Variants in SETX observed in about 807,000 individuals in gnomAD.
The protein encoded by SETX is helicase senataxin.
SETX carries 90 observed loss-of-function variants against 227.2 expected under a neutral mutation model. The ratio of observed to expected loss-of-function variants is 0.40; its 90% confidence interval spans 0.33 to 0.47. The LOEUF is 0.47. Ranked by LOEUF, SETX falls within the 20% of genes least tolerant of loss-of-function variation. The pLI is 0.91. For synonymous variants in SETX, 1,210 were observed against 1,113.2 expected, an observed-to-expected ratio of 1.09 and a Z score of -1.73; for missense variants, 3,052 against 3,181.5, an observed-to-expected ratio of 0.96 and a Z score of 0.98.
At position 132,354,529 on chromosome 9, in the gene SETX, C is replaced by A. The variant is rs1490736663; in HGVS notation, c.-115+388G>T. Among the ~76,000 whole-genome samples the A allele has an allele frequency of 2.3e-4, 35 of 149,420 alleles. No homozygotes were observed. In the East Asian group the frequency reaches 6.9e-3, roughly 29 times the overall value. On this transcript the variant is annotated intron_variant, in intron 1 of 25. Coordinates refer to ENST00000224140, the MANE Select transcript of SETX (RefSeq NM_015046.7). ...AAAAAAAAGAAAAAAGAAAAAAAAA[C>A]AAAGGGAGGGACTCCAGGCGAGAGG...
chr9:132,326,342 T>A lies in SETX; in HGVS notation c.5256A>T (p.Val1752=). 1 of 1,610,188 alleles carries A rather than the reference T, an allele frequency of 6.2e-7. No homozygotes were observed. Among genetic ancestry groups the A allele is most frequent in the Non-Finnish European group, 8.5e-7 (1 of 1,177,184 alleles). Residue 1752 remains valine (V), a synonymous_variant, in exon 10 of 26, where the codon GTA becomes GTT. Coordinates refer to ENST00000224140, the MANE Select transcript of SETX (RefSeq NM_015046.7). Reference sequence around the variant, plus strand: ...TACTTACTGTTTCAAAAGTATTCAATACCATCAAAGGGAAAAAAACATTAA... The same window carrying A: ...TACTTACTGTTTCAAAAGTATTCAAAACCATCAAAGGGAAAAAAACATTAA... ...DYFNVFFPLM[V]LNTFETVAQE... is the part of the protein sequence containing the mutation.
rs1418151719 is a variant in SETX, at chr9:132,327,640, C to T, written c.3958G>A (p.Val1320Ile). ...AATTTAGTCTTTTTTCGGGTATCAA[C>T]TACTCCAACAGTTTTGCCATGATCA... Reference protein sequence around the residue: ...LRDHGKTVGVVDTRKKTKLIS... With the variant: ...LRDHGKTVGVIDTRKKTKLIS... Residue 1320 changes from valine to isoleucine, a missense_variant, in exon 10 of 26, where the codon GTT becomes ATT. Physicochemically the swap from Val to Ile is conservative, Grantham distance 29. Around this residue, in one of 10 missense-constraint regions of SETX, gnomAD observed 1,483 missense variants for 1,312.0 expected, o/e 1.13. Transcript: ENST00000224140. 1.2e-6 allele frequency: 2 copies of T among 1,613,850 alleles called. No individual in the cohort carries two copies. The highest frequency in any genetic ancestry group is 1.7e-6 in the Non-Finnish European group (2 of 1,179,994).
intron 11 of SETX, among the ~76,000 whole-genome samples, chr9:132,304,326 ATACTG>A (rs1388291633): frequency 1.3e-5 from 2 of 152,190 alleles, no homozygotes; most frequent in African/African-American, 2.4e-5. Flanking sequence ...TTATAACTGC[ATACTG>A]TAGGTAGAAC....
At chr9:132,307,065 G>A (rs1398826065) in intron 11 of SETX, among the ~76,000 whole-genome samples, 1 of 152,194 alleles carries the variant, frequency 6.6e-6, no homozygotes, top group East Asian at 1.9e-4. Context: ...GACCAGCCTG[G>A]CCAACATGGC....
chr9:132,281,596 G>A lies in SETX; in HGVS notation c.6547-22C>T, dbSNP rs760781204. The stretch of plus-strand genomic sequence containing the variant: ...CAGCCTTGGTAAGATACAGAAGAGA[G>A]AGGCAGTCTTAACAATCTTTGCTAT... On this transcript the variant is annotated intron_variant, in intron 19 of 25. Coordinates refer to ENST00000224140, the MANE Select transcript of SETX (RefSeq NM_015046.7). The A allele has an allele frequency of 4.0e-6, 6 of 1,512,658 alleles. No homozygotes were observed. In the Admixed American group the frequency reaches 8.4e-5, roughly 21 times the overall value. 93.7% of individuals were successfully genotyped at this position (1,512,658 alleles called of 1,614,324 possible). A position where few individuals can be genotyped will look rare whatever the true frequency, so the allele number is the denominator to read the frequency against.
In SETX at chr9:132,261,723, A is replaced by G. The variant is rs947839000; in HGVS notation, c.*2516T>C. 6.5e-6 allele frequency: 1 copy of G among 154,264 alleles called. No individual in the cohort carries two copies. The highest frequency in any genetic ancestry group is 1.5e-5 in the Non-Finnish European group (1 of 68,222). 9.6% of individuals were successfully genotyped at this position (154,264 alleles called of 1,614,324 possible). On this transcript the variant is annotated 3_prime_UTR_variant, in exon 26 of 26. Coordinates refer to ENST00000224140, the MANE Select transcript of SETX (RefSeq NM_015046.7). ...CATGTACTTGTCAAATTTACTCCTG[A>G]TAATTCACAAAAACATACAACTCAA...
At chr9:132,311,882 A>T (rs751887818) in intron 10 of SETX, 26 bp from the exon 11 acceptor site, 2 of 1,511,158 alleles carry the variant, frequency 1.3e-6, no homozygotes, top group African/African-American at 1.4e-5. Flanking sequence ...AAGCAAATTA[A>T]GAAAGCAACA....
At chr9:132,265,022 A>C (rs758691664) in intron 25 of SETX, 37 bp from the exon 26 acceptor site, 7 of 1,607,570 alleles carry the variant, frequency 4.4e-6, no homozygotes, top group Non-Finnish European at 5.9e-6. Flanking sequence ...ATTACACCCC[A>C]AAGAGACACT....
At chr9:132,269,532 T>C in intron 25 of SETX, 83 bp downstream of exon 25, 1 of 1,608,094 alleles carries the variant, frequency 6.2e-7, no homozygotes, top group South Asian at 1.1e-5. Flanking sequence ...CAGAAATCAT[T>C]TACACTTTGA....
intron 17 of SETX, among the ~76,000 whole-genome samples, chr9:132,287,119 T>C (rs1397103042): frequency 6.6e-6 from 1 of 152,208 alleles, no homozygotes; most frequent in East Asian, 1.9e-4. Context: ...TAATTTGAAC[T>C]GGGCTCAACA....
At position 132,328,107 on chromosome 9, in the gene SETX, C is replaced by A. The variant is rs369264209; in HGVS notation, c.3491G>T (p.Arg1164Leu). The stretch of plus-strand genomic sequence containing the variant: ...ATCTTCAGCCATTGGTTTTTCAGAT[C>A]GTTTTCTCTTAGGCTTTTTTACTTC... ...EIEVKKPKRK[R>L]SEKPMAEDPV... Residue 1164 changes from arginine to leucine, a missense_variant, in exon 10 of 26, where the codon CGA becomes CTA. Arg to Leu is a moderately radical substitution (Grantham distance 102, BLOSUM62 -2). This residue lies in a region of SETX where 1,483 missense variants were observed against 1,312.0 expected (regional missense o/e 1.13). Transcript: ENST00000224140. The A allele has an allele frequency of 1.2e-6, 2 of 1,613,912 alleles. No individual in the cohort carries two copies. The highest frequency in any genetic ancestry group is 1.7e-5 in the Admixed American group (1 of 59,958).
chr9:132,305,949 T>G (rs549176545), intron 11 of SETX, among the ~76,000 whole-genome samples: 1 of 152,208 alleles, frequency 6.6e-6, no homozygotes, highest in Admixed American at 6.5e-5. Context: ...ATGTTAACAT[T>G]TGAGGAAACT....
chr9:132,335,423 T>C (rs1244895081), intron 6 of SETX, among the ~76,000 whole-genome samples: 1 of 148,944 alleles, frequency 6.7e-6, no homozygotes, highest in Non-Finnish European at 1.5e-5. Flanking sequence ...AAAAGTATTT[T>C]GAGCCACAAT....
intron 18 of SETX, 108 bp from the exon 19 acceptor site, chr9:132,283,521 C>A (rs1843661381): frequency 2.9e-6 from 4 of 1,370,594 alleles, no homozygotes; most frequent in East Asian, 2.4e-5. Flanking sequence ...AGATTTATGA[C>A]AGAAAAATAT....
chr9:132,274,152 G>GT (rs985533774), intron 23 of SETX, among the ~76,000 whole-genome samples: 3 of 151,918 alleles, frequency 2.0e-5, no homozygotes, highest in African/African-American at 7.3e-5. Context: ...ATAAATCCTT[G>GT]TAATAACCTG....
intron 11 of SETX, among the ~76,000 whole-genome samples, chr9:132,306,308 G>A (rs118172942): frequency 0.019 from 2,961 of 152,264 alleles, 43 homozygotes; most frequent in Middle Eastern, 0.061. Context: ...TGCCTCTTGC[G>A]TTCAAGCAAT....
intron 15 of SETX, among the ~76,000 whole-genome samples, chr9:132,295,417 G>A (rs991655005): frequency 6.6e-6 from 1 of 152,076 alleles, no homozygotes; most frequent in Non-Finnish European, 1.5e-5. Flanking sequence ...TAATGCTCTG[G>A]GAACCTCAAG....
intron 12 of SETX, among the ~76,000 whole-genome samples, chr9:132,299,509 C>T (rs1260308102): frequency 6.6e-6 from 1 of 152,180 alleles, no homozygotes; most frequent in African/African-American, 2.4e-5. Flanking sequence ...CACAAATAAA[C>T]ATGGTACACC....
At chr9:132,280,672 T>C (rs1190329662) in intron 20 of SETX, among the ~76,000 whole-genome samples, 1 of 152,258 alleles carries the variant, frequency 6.6e-6, no homozygotes, top group Non-Finnish European at 1.5e-5. Flanking sequence ...ATCTGTTCTC[T>C]AGGATTATTT....
Sources: gnomAD v4.1 joint callset for allele counts (sites outside exome capture counted in the v4.1 genomes callset) on GRCh38, gnomAD v4.1.1 for gene constraint, gnomAD v4.1.1 regional missense constraint, MANE v1.5 for transcripts, NCBI Gene and HGNC (gene_info 2026-07-23, HGNC 2026-07-21) for gene names.